Variants in MYBPC2 observed in about 807,000 individuals in gnomAD.
MYBPC2 encodes myosin-binding protein C, fast-type.
A neutral mutation model predicts 137.0 loss-of-function variants in MYBPC2; 122 were observed. That is an observed-to-expected ratio of 0.89 (90% CI 0.77 to 1.03). The LOEUF is 1.03. Ranked by LOEUF, MYBPC2 falls within the 50% of genes least tolerant of loss-of-function variation. The pLI is 0.00. For missense variants in MYBPC2, 1,500 were observed against 1,534.4 expected, an observed-to-expected ratio of 0.98 and a Z score of 0.37; for synonymous variants, 626 against 612.3, an observed-to-expected ratio of 1.02 and a Z score of -0.33.
At position 50,435,499 on chromosome 19, in the gene MYBPC2, T is replaced by C. The variant is rs1427927812; in HGVS notation, c.109+249T>C. Among the ~76,000 whole-genome samples, 1 of 152,068 alleles carries C rather than the reference T, an allele frequency of 6.6e-6. No individual in the cohort carries two copies. The highest frequency in any genetic ancestry group is 1.5e-5 in the Non-Finnish European group (1 of 68,018). On this transcript the variant is annotated intron_variant, in intron 2 of 27. Coordinates refer to ENST00000357701, the MANE Select transcript of MYBPC2 (RefSeq NM_004533.4). The surrounding 1 kb of genome is among the most constrained non-coding windows in gnomAD (Gnocchi z 4.8). ...GATCACCAGGTCCGGCCCCGGTCTC[T>C]CTAAACCTCTCCCGCCCCAAAGGCA...
intron 5 of MYBPC2, among the ~76,000 whole-genome samples, chr19:50,437,115 G>A (rs531918797): frequency 6.6e-6 from 1 of 152,056 alleles, no homozygotes; most frequent in Non-Finnish European, 1.5e-5. Context: ...CGGATTTGAG[G>A]GCACATATAT....
At chr19:50,453,215 A>G (rs1210855505) in intron 16 of MYBPC2, among the ~76,000 whole-genome samples, 1 of 152,190 alleles carries the variant, frequency 6.6e-6, no homozygotes, top group East Asian at 1.9e-4. Flanking sequence ...CAGCCTCCCA[A>G]AGTGCTGGGA....
intron 19 of MYBPC2, 37 bp from the exon 20 acceptor site, chr19:50,455,473 C>T (rs2039900663): frequency 6.3e-7 from 1 of 1,598,716 alleles, no homozygotes; most frequent in Non-Finnish European, 8.6e-7. Flanking sequence ...CCTGACCCCT[C>T]ATTCCCCCCA....
rs543623511 is a variant in MYBPC2 at position 50,460,954 on chromosome 19, G to C, written c.2932-588G>C. Among the ~76,000 whole-genome samples, 10 of 151,468 alleles carry C rather than the reference G, an allele frequency of 6.6e-5. No individual in the cohort carries two copies. In the South Asian group the frequency reaches 1.9e-3, roughly 28 times the overall value. ...CATCCTCCCACCTTGGCCTCCCAAA[G>C]TGTTGGGATTACAGGCATGAGCCAC... On this transcript the variant is annotated intron_variant, in intron 24 of 27. Coordinates refer to ENST00000357701, the MANE Select transcript of MYBPC2 (RefSeq NM_004533.4).
intron 1 of MYBPC2, among the ~76,000 whole-genome samples, 193 bp downstream of exon 1, chr19:50,433,165 G>A (rs546932921): frequency 6.6e-6 from 1 of 152,194 alleles, no homozygotes; most frequent in East Asian, 1.9e-4. Context: ...TGGGGAAGAG[G>A]GTCCCTTCCC....
In MYBPC2 at chr19:50,459,288, AT is replaced by A. The variant is rs773573168; in HGVS notation, c.2774del (p.Ile925ThrfsTer13). 1.2e-6 allele frequency: 2 copies of A among 1,605,046 alleles called. No homozygotes were observed. The highest frequency in any genetic ancestry group is 1.1e-5 in the South Asian group (1 of 90,538). On this transcript the variant is annotated frameshift_variant, in exon 23 of 28. Transcript: ENST00000357701. LOFTEE classifies it high-confidence loss of function. ...CGAGAACATGAAGGACACCGCCACC[AT>A]CCGCATCCGCGTTGTGGGTGCGCGC... ...QIENMKDTAT[I>X]RIRVVEKAGP...
chr19:50,459,966 T>C, intron 23 of MYBPC2, 74 bp from the exon 24 acceptor site: 1 of 1,420,534 alleles, frequency 7.0e-7, no homozygotes, highest in Non-Finnish European at 9.2e-7. Flanking sequence ...GGAGGGGGTG[T>C]GGAGAGGGGA....
chr19:50,459,977 G>T, intron 23 of MYBPC2, 63 bp from the exon 24 acceptor site: 5 of 1,546,378 alleles, frequency 3.2e-6, no homozygotes, highest in Non-Finnish European at 3.5e-6. Context: ...GGAGAGGGGA[G>T]GGGAGGGAAG....
intron 7 of MYBPC2, 93 bp downstream of exon 7, chr19:50,437,811 C>T (rs866870410): frequency 7.3e-7 from 1 of 1,379,102 alleles, no homozygotes; most frequent in Non-Finnish European, 1.0e-6. Flanking sequence ...CCTCCTGGAC[C>T]CACTGCTTAT....
In MYBPC2 at chr19:50,451,980, G is replaced by A. The variant is rs1291312641; in HGVS notation, c.1726G>A (p.Ala576Thr). 1.4e-5 allele frequency: 22 copies of A among 1,552,984 alleles called. No individual in the cohort carries two copies. The highest frequency in any genetic ancestry group is 2.4e-5 in the East Asian group (1 of 41,030). ...VSITGEPPPV[A>T]TWLKGDEVFT... is the part of the protein sequence containing the mutation. The stretch of plus-strand genomic sequence containing the variant: ...CATCACAGGGGAGCCCCCTCCCGTC[G>A]CTACCTGGCTGAAGGGAGATGAGGT... Residue 576 changes from alanine to threonine, a missense_variant, in exon 16 of 28, where the codon GCT becomes ACT. Physicochemically the swap from Ala to Thr is moderately conservative, Grantham distance 58. Coordinates refer to ENST00000357701, the MANE Select transcript of MYBPC2 (RefSeq NM_004533.4).
rs1212738801 is a variant in MYBPC2 at position 50,455,287 on chromosome 19, A to T, written c.2194A>T (p.Met732Leu). 22 of 1,613,208 alleles carry T rather than the reference A, an allele frequency of 1.4e-5. No individual in the cohort carries two copies. Among genetic ancestry groups the T allele is most frequent in the Non-Finnish European group, 1.9e-5 (22 of 1,179,446 alleles). ...SQPSMNTKPF[M>L]PIAPTSEPLH... ...GCCCAGCATGAACACCAAGCCTTTT[A>T]TGCCTATTGGTAATGTCCTCCCTCA... The change falls in exon 19 of 28, where the codon ATG (methionine) becomes TTG (leucine). Residue 732 changes from methionine to leucine, a missense_variant. By Grantham distance (15) the Met-to-Leu change is conservative (BLOSUM62 2). Coordinates refer to ENST00000357701, the MANE Select transcript of MYBPC2 (RefSeq NM_004533.4).
intron 7 of MYBPC2, among the ~76,000 whole-genome samples, chr19:50,440,323 A>AAATAAATAAAT (rs1555796267): frequency 7.2e-6 from 1 of 139,040 alleles, no homozygotes; most frequent in South Asian, 2.4e-4. Context: ...CTGTGGAAAT[A>AAATAAATAAAT]AAATAAATAA....
At chr19:50,455,378 T>C in intron 19 of MYBPC2, 82 bp downstream of exon 19, 1 of 1,561,586 alleles carries the variant, frequency 6.4e-7, no homozygotes, top group Non-Finnish European at 8.7e-7. Flanking sequence ...CTGGCCCATC[T>C]TTTGCCCGCC....
chr19:50,465,569 C>T lies in MYBPC2; in HGVS notation c.3416-626C>T, dbSNP rs2040008383. On this transcript the variant is annotated intron_variant, in intron 27 of 27. Transcript: ENST00000357701. The surrounding 1 kb of genome is among the most constrained non-coding windows in gnomAD (Gnocchi z 4.5). ...AGAGAGGACACTTTCTAGCCAAGCACGGTGGCTCTCGCCTGTAATCCCAGC... is the reference window on the plus strand; with the variant it reads ...AGAGAGGACACTTTCTAGCCAAGCATGGTGGCTCTCGCCTGTAATCCCAGC... Among the ~76,000 whole-genome samples the T allele has an allele frequency of 1.3e-5, 2 of 152,330 alleles. No individual in the cohort carries two copies. The highest frequency in any genetic ancestry group is 2.1e-4 in the South Asian group (1 of 4,830).
chr19:50,454,420 GTTTTTTTT>G (rs36109908), intron 18 of MYBPC2, 51 bp downstream of exon 18: 29 of 739,056 alleles, frequency 3.9e-5, no homozygotes, highest in Middle Eastern at 4.5e-4. Context: ...TCTGCCTTCT[GTTTTTTTT>G]TTTTTTTTTT....
rs764942672 is a variant in MYBPC2, at chr19:50,436,073, C to T, written c.258C>T (p.Ile86=). The T allele has an allele frequency of 7.6e-6, 12 of 1,583,508 alleles. No homozygotes were observed. The East Asian group carries it at 2.8e-4, about 37-fold the overall frequency. ...NGKELPDKPT[I]KWFKGKWLEL... ...AGGAGCTCCCAGACAAACCGACCAT[C>T]AAGTGGTTCAAGGGGAAGTGGCTGG... Residue 86 remains isoleucine (I), a synonymous_variant, in exon 4 of 28, where the codon ATC becomes ATT. Transcript: ENST00000357701.
chr19:50,442,344 G>A (rs375942534), intron 9 of MYBPC2, 31 bp downstream of exon 9: 40 of 1,601,430 alleles, frequency 2.5e-5, no homozygotes, highest in Non-Finnish European at 3.2e-5. Context: ...CCCTGCACCG[G>A]GGAGATCCCC....
intron 20 of MYBPC2, among the ~76,000 whole-genome samples, chr19:50,456,349 T>A (rs1287861038): frequency 7.2e-6 from 1 of 139,794 alleles, no homozygotes; most frequent in Non-Finnish European, 1.5e-5. Flanking sequence ...TCCATCCATC[T>A]GTCCATCCAT....
At chr19:50,440,757 A>G in intron 7 of MYBPC2, 123 bp from the exon 8 acceptor site, 1 of 969,882 alleles carries the variant, frequency 1.0e-6, no homozygotes, top group South Asian at 1.8e-5. Context: ...CAGGCGGGAA[A>G]CAATAAGACC....
Sources: allele counts gnomAD v4.1 joint callset (sites outside exome capture counted in the v4.1 genomes callset), GRCh38; gene constraint gnomAD v4.1.1; non-coding constraint Gnocchi (gnomAD v3.1); transcripts MANE v1.5; gene names NCBI Gene and HGNC (gene_info 2026-07-23, HGNC 2026-07-21).